The following CMTM4 variants were observed in gnomAD, a reference collection of about 807,000 sequenced individuals.
The protein encoded by CMTM4 is CKLF like MARVEL transmembrane domain containing 4.
Under a neutral mutation model 19.0 loss-of-function variants are expected in CMTM4, and 8 were observed. That is an observed-to-expected ratio of 0.42 (90% CI 0.25 to 0.76). CMTM4 has a LOEUF of 0.76. Among genes scored for constraint, CMTM4 ranks in the 30% least tolerant of loss-of-function variants. The pLI, the probability that CMTM4 is intolerant of heterozygous loss-of-function variation, is 0.27. For synonymous variants in CMTM4, 106 were observed against 121.1 expected (o/e 0.88, Z 0.82); for missense variants, 228 against 290.2 (o/e 0.79, Z 1.56).
At position 66,690,202 on chromosome 16, in the gene CMTM4, T is replaced by C. The variant is rs144911653; in HGVS notation, c.186+6138A>G. 1.6e-4 allele frequency among the ~76,000 whole-genome samples: 24 copies of C among 152,328 alleles called. No individual in the cohort carries two copies. The East Asian group carries it at 4.6e-3, about 29-fold the overall frequency. On this transcript the variant is annotated intron_variant, in intron 1 of 3. Coordinates refer to ENST00000394106, the MANE Select transcript of CMTM4 (RefSeq NM_181521.3). ...AAACCCACTGCTTCATCTACCATTA[T>C]GCGCTTGTATATGCATGACTTCAGG...
intron 1 of CMTM4, among the ~76,000 whole-genome samples, chr16:66,664,536 T>C (rs985047579): frequency 3.3e-5 from 5 of 152,164 alleles, no homozygotes; most frequent in Admixed American, 6.5e-5. Context: ...GGGACCTATG[T>C]ACTTGCAAGG....
At chr16:66,668,283 A>G (rs1394189219) in intron 1 of CMTM4, among the ~76,000 whole-genome samples, 2 of 151,924 alleles carry the variant, frequency 1.3e-5, no homozygotes, top group Non-Finnish European at 2.9e-5. Context: ...TGCTGGGATT[A>G]CAGGCATGAA....
chr16:66,685,680 A>G (rs554898559), intron 1 of CMTM4, among the ~76,000 whole-genome samples: 10 of 152,136 alleles, frequency 6.6e-5, no homozygotes, highest in South Asian at 2.1e-4. Context: ...GTCTCACTCT[A>G]TTGCCCAGGC....
intron 1 of CMTM4, among the ~76,000 whole-genome samples, chr16:66,640,393 G>A (rs977835390): frequency 2.0e-5 from 3 of 152,240 alleles, no homozygotes; most frequent in African/African-American, 7.2e-5. Context: ...ATAAGGGACA[G>A]CTGTCTGGAG....
At chr16:66,683,645 C>T (rs2016982987) in intron 1 of CMTM4, among the ~76,000 whole-genome samples, 1 of 151,800 alleles carries the variant, frequency 6.6e-6, no homozygotes, top group Non-Finnish European at 1.5e-5. Context: ...TGTGCCAGAC[C>T]CTGGTTTAGA....
At chr16:66,599,488 T>C in the CMTM4 span, among the ~76,000 whole-genome samples, 4 of 139,184 alleles carry the variant, frequency 2.9e-5, no homozygotes, top group Non-Finnish European at 6.2e-5. Flanking sequence ...TTGCTTGTTG[T>C]TTGTTTGTTT....
At chr16:66,614,715 G>A (rs1403221136), downstream of CMTM4, 1 of 152,244 alleles carries the variant, frequency 6.6e-6, no homozygotes, top group Non-Finnish European at 1.5e-5. The surrounding 1 kb of genome is among the most constrained non-coding windows in gnomAD (Gnocchi z 4.9). Flanking sequence ...TTAAGGGGCA[G>A]AGGAGGCCAC....
rs979455624 is a variant in CMTM4, at chr16:66,696,269, C to G, written c.186+71G>C. The G allele has an allele frequency of 8.8e-7, 1 of 1,134,458 alleles. No homozygotes were observed. The highest frequency in any genetic ancestry group is 2.9e-5 in the South Asian group (1 of 34,154). 70.3% of individuals were successfully genotyped at this position (1,134,458 alleles called of 1,614,324 possible). A position where few individuals can be genotyped will look rare whatever the true frequency, so the allele number is the denominator to read the frequency against. On this transcript the variant is annotated intron_variant, in intron 1 of 3. Transcript: ENST00000394106. This position sits in a 1 kb window ranked among gnomAD's most constrained non-coding sequence, Gnocchi z 4.3. Reference sequence around the variant, plus strand: ...GCAAGCGGGTACGCGGCGGAGGCCCCGCAGCGGGGCGGGGAGGGAGGCGTG... The same window carrying G: ...GCAAGCGGGTACGCGGCGGAGGCCCGGCAGCGGGGCGGGGAGGGAGGCGTG...
chr16:66,601,227 A>G, the CMTM4 span, among the ~76,000 whole-genome samples: 646 of 152,252 alleles, frequency 4.2e-3, 2 homozygotes, highest in African/African-American at 0.015. Context: ...CACCTTTGCC[A>G]GAGTTCTTGT....
At chr16:66,640,920 C>T (rs1356127369) in intron 1 of CMTM4, among the ~76,000 whole-genome samples, 2 of 152,172 alleles carry the variant, frequency 1.3e-5, no homozygotes, top group Non-Finnish European at 2.9e-5. Flanking sequence ...GTCCTCCAGC[C>T]CCAGGCAAGC....
At chr16:66,694,088 GA>G (rs1253315976) in intron 1 of CMTM4, among the ~76,000 whole-genome samples, 1 of 151,520 alleles carries the variant, frequency 6.6e-6, no homozygotes, top group East Asian at 1.9e-4. Context: ...GAGAGAAAGA[GA>G]AAAGAGAAAA....
At chr16:66,681,796 C>T (rs917475567) in intron 1 of CMTM4, among the ~76,000 whole-genome samples, 10 of 152,200 alleles carry the variant, frequency 6.6e-5, no homozygotes, top group Non-Finnish European at 1.5e-4. Context: ...CCCCATTTGT[C>T]AAATCACTTG....
chr16:66,630,830 C>T lies in CMTM4; in HGVS notation c.363+5575G>A, dbSNP rs1294616193. ...AAAGTGAGGAGCATCTCTGCCCGGC[C>T]GCCATCCCATCTAGGAAGTGAGGAG... On this transcript the variant is annotated intron_variant, in intron 2 of 3. Coordinates refer to ENST00000394106, the MANE Select transcript of CMTM4 (RefSeq NM_181521.3). Among the ~76,000 whole-genome samples, 10 of 150,670 alleles carry T rather than the reference C, an allele frequency of 6.6e-5. No individual in the cohort carries two copies. The South Asian group carries it at 8.4e-4, about 13-fold the overall frequency.
At chr16:66,630,940 C>G (rs1211093769) in intron 2 of CMTM4, among the ~76,000 whole-genome samples, 3 of 151,862 alleles carry the variant, frequency 2.0e-5, no homozygotes, top group Admixed American at 2.0e-4. Flanking sequence ...AGCGCCTCTG[C>G]CTGGCCGCGA....
intron 1 of CMTM4, among the ~76,000 whole-genome samples, chr16:66,650,892 G>A (rs1357273556): frequency 1.3e-5 from 2 of 152,170 alleles, no homozygotes; most frequent in African/African-American, 2.4e-5. Context: ...GAAGACCTAC[G>A]AAGCTGAGTG....
At chr16:66,656,093 C>T (rs2016393191) in intron 1 of CMTM4, among the ~76,000 whole-genome samples, 1 of 151,858 alleles carries the variant, frequency 6.6e-6, no homozygotes, top group African/African-American at 2.4e-5. Flanking sequence ...CAACAGAGCA[C>T]AGTATCTGGG....
chr16:66,610,099 CCT>C, downstream of CMTM4: 3 of 1,474,828 alleles, frequency 2.0e-6, no homozygotes, highest in Non-Finnish European at 2.8e-6. This position sits in a 1 kb window ranked among gnomAD's most constrained non-coding sequence, Gnocchi z 4.6. Flanking sequence ...GGGATCATTT[CCT>C]CTCTCCCCAT....
intron 1 of CMTM4, among the ~76,000 whole-genome samples, chr16:66,687,525 C>T (rs2017055766): frequency 6.6e-6 from 1 of 151,892 alleles, no homozygotes; most frequent in African/African-American, 2.4e-5. Flanking sequence ...AAATAAAATA[C>T]AAAAGGTACA....
At chr16:66,606,799 C>T in the CMTM4 span, among the ~76,000 whole-genome samples, 1 of 152,162 alleles carries the variant, frequency 6.6e-6, no homozygotes, top group African/African-American at 2.4e-5. Context: ...TCGAGACCAG[C>T]CTGGCCAGCA....
Sources: allele counts gnomAD v4.1 joint callset (sites outside exome capture counted in the v4.1 genomes callset), GRCh38; gene constraint gnomAD v4.1.1; non-coding constraint Gnocchi (gnomAD v3.1); transcripts MANE v1.5; gene names NCBI Gene and HGNC (gene_info 2026-07-23, HGNC 2026-07-21).